The following ULK4 variants were observed in gnomAD, a reference collection of about 807,000 sequenced individuals.
ULK4 encodes the protein unc-51 like kinase 4.
ULK4 carries 133 observed loss-of-function variants against 160.6 expected under a neutral mutation model. The ratio of observed to expected loss-of-function variants is 0.83; its 90% CI spans 0.72 to 0.96. The LOEUF (loss-of-function observed/expected upper bound fraction) is 0.96, where lower values mean the gene tolerates loss of function less well. Among genes scored for constraint, ULK4 ranks in the 40% least tolerant of loss-of-function variants. ULK4 has a pLI of 0.00. For synonymous variants in ULK4, 534 were observed against 539.8 expected, an observed-to-expected ratio of 0.99 and a Z score of 0.15; for missense variants, 1,580 against 1,499.5, an observed-to-expected ratio of 1.05 and a Z score of -0.89.
chr3:41,829,372 G>A (rs2041488658), intron 18 of ULK4, among the ~76,000 whole-genome samples: 1 of 145,962 alleles, frequency 6.9e-6, no homozygotes, highest in Non-Finnish European at 1.5e-5. Context: ...CTACAGAATG[G>A]GAGAAAATTT....
intron 31 of ULK4, among the ~76,000 whole-genome samples, chr3:41,584,991 AAAATCAAAGATACAAG>A (rs1252959295): frequency 2.6e-5 from 4 of 152,216 alleles, no homozygotes; most frequent in Admixed American, 2.0e-4. Flanking sequence ...AAACACTGCC[AAAATCAAAGATACAAG>A]AAATCAAAGA....
intron 34 of ULK4, among the ~76,000 whole-genome samples, chr3:41,408,109 A>G (rs977968968): frequency 6.6e-6 from 1 of 150,908 alleles, no homozygotes; most frequent in Admixed American, 6.7e-5. Context: ...CAAATGGCAT[A>G]TTTAGGAATA....
chr3:41,960,689 T>G lies in ULK4; in HGVS notation c.-49+1327A>C, dbSNP rs533605889. 3.6e-4 allele frequency among the ~76,000 whole-genome samples: 55 copies of G among 152,294 alleles called. No homozygotes were observed. The South Asian group carries it at 4.3e-3, about 12-fold the overall frequency. ...ACTAAGTTATCTTTCAATAACTTAT[T>G]AATAGTTGAAATTCCATGACTTTAA... On this transcript the variant is annotated intron_variant, in intron 1 of 36. Coordinates refer to ENST00000301831, the MANE Select transcript of ULK4 (RefSeq NM_017886.4).
At chr3:41,347,260 G>A (rs2080819171) in intron 35 of ULK4, among the ~76,000 whole-genome samples, 1 of 152,184 alleles carries the variant, frequency 6.6e-6, no homozygotes, top group Non-Finnish European at 1.5e-5. Context: ...CTTGTCATGT[G>A]TATATTGCTT....
At chr3:41,770,240 A>G (rs1376434518) in intron 21 of ULK4, among the ~76,000 whole-genome samples, 1 of 152,188 alleles carries the variant, frequency 6.6e-6, no homozygotes, top group Non-Finnish European at 1.5e-5. Flanking sequence ...TTTCATAGTG[A>G]TCTTCCACGG....
chr3:41,724,937 T>G (rs181694945), intron 22 of ULK4, among the ~76,000 whole-genome samples: 1 of 152,296 alleles, frequency 6.6e-6, no homozygotes, highest in African/African-American at 2.4e-5. Context: ...GTCCAAGTCT[T>G]GTGCTCATTT....
chr3:41,381,837 G>A (rs2081660187), intron 35 of ULK4, among the ~76,000 whole-genome samples: 1 of 151,602 alleles, frequency 6.6e-6, no homozygotes, highest in South Asian at 2.1e-4. Flanking sequence ...GGGTTTACAG[G>A]GCCTTTGTAA....
intron 30 of ULK4, among the ~76,000 whole-genome samples, chr3:41,641,503 T>G (rs1218268870): frequency 6.6e-6 from 1 of 152,028 alleles, no homozygotes; most frequent in Non-Finnish European, 1.5e-5. Flanking sequence ...TCAAGACCAC[T>G]CTGGGCAACA....
chr3:41,642,281 T>C (rs749616741), intron 30 of ULK4, among the ~76,000 whole-genome samples: 1 of 152,114 alleles, frequency 6.6e-6, no homozygotes, highest in African/African-American at 2.4e-5. Context: ...GCTGGTGTAC[T>C]CCACCTATTA....
At chr3:41,535,597 T>C (rs2086470618) in intron 32 of ULK4, among the ~76,000 whole-genome samples, 1 of 152,262 alleles carries the variant, frequency 6.6e-6, no homozygotes, top group South Asian at 2.1e-4. Context: ...TACAGTAGAC[T>C]TCATTCAGAC....
chr3:41,291,265 AGAGT>A (rs1428578082), intron 35 of ULK4, among the ~76,000 whole-genome samples: 3 of 151,330 alleles, frequency 2.0e-5, no homozygotes, highest in African/African-American at 7.3e-5. Context: ...TAGTAATAGG[AGAGT>A]GAGAGAGGGA....
chr3:41,716,216 A>AAAC (rs113108179), intron 23 of ULK4, among the ~76,000 whole-genome samples: 1 of 139,258 alleles, frequency 7.2e-6, no homozygotes, highest in Non-Finnish European at 1.5e-5. Context: ...CTGTCTCACA[A>AAAC]AATAATAATA....
rs750472249 is a variant in ULK4 at position 41,566,137 on chromosome 3, T to C, written c.3121-7A>G. On this transcript the variant is annotated splice_region_variant and splice_polypyrimidine_tract_variant and intron_variant, in intron 31 of 36. Coordinates refer to ENST00000301831, the MANE Select transcript of ULK4 (RefSeq NM_017886.4). ...GAATGCTCTCCTGATGTTCCTGCAA[T>C]AGATCATAATTTCCATCATAACCAT... 7 of 1,604,112 alleles carry C rather than the reference T, an allele frequency of 4.4e-6. No homozygotes were observed. In the Admixed American group the frequency reaches 6.8e-5, roughly 16 times the overall value.
rs2079930014 is a variant in ULK4, at chr3:41,306,254, GT to G, written c.3679-56681del. Reference sequence around the variant, plus strand: ...AGCCCCCCGCCCGGCCAGCCGCCCCGTCCGGGAGGTGAGGGGCGCCTCTGCC... The same window carrying G: ...AGCCCCCCGCCCGGCCAGCCGCCCCGCCGGGAGGTGAGGGGCGCCTCTGCC... On this transcript the variant is annotated intron_variant, in intron 35 of 36. Transcript: ENST00000301831. Among the ~76,000 whole-genome samples, 2 of 111,876 alleles carry G rather than the reference GT, an allele frequency of 1.8e-5. 1 individual carries two copies. Among genetic ancestry groups the G allele is most frequent in the South Asian group, 5.9e-4 (2 of 3,380 alleles). 73.4% of individuals were successfully genotyped at this position (111,876 alleles called of 152,430 possible). A position where few individuals can be genotyped will look rare whatever the true frequency, so the allele number is the denominator to read the frequency against.
At chr3:41,847,923 G>A (rs2042111968) in intron 17 of ULK4, among the ~76,000 whole-genome samples, 2 of 152,188 alleles carry the variant, frequency 1.3e-5, no homozygotes, top group African/African-American at 4.8e-5. Context: ...TGCCAGGGGA[G>A]ACAGATAATG....
At chr3:41,927,789 G>A (rs571173964) in intron 5 of ULK4, among the ~76,000 whole-genome samples, 26 of 151,860 alleles carry the variant, frequency 1.7e-4, no homozygotes, top group Admixed American at 5.3e-4. Flanking sequence ...AGGGATCAAT[G>A]CAACAAGTAG....
At chr3:41,590,285 AGCCACCGC>A (rs1187486283) in intron 31 of ULK4, among the ~76,000 whole-genome samples, 1 of 150,740 alleles carries the variant, frequency 6.6e-6, no homozygotes, top group Non-Finnish European at 1.5e-5. Context: ...TACAGGCATG[AGCCACCGC>A]GCCCGGCCCC....
intron 18 of ULK4, among the ~76,000 whole-genome samples, chr3:41,831,528 T>TAGAGAGAGAGAGAG (rs1559590619): frequency 2.0e-4 from 26 of 131,938 alleles, no homozygotes; most frequent in African/African-American, 9.4e-4. Flanking sequence ...TATATATATA[T>TAGAGAGAGAGAGAG]ATATTTTTTT....
chr3:41,718,478 A>G (rs1187174301), intron 22 of ULK4, among the ~76,000 whole-genome samples: 1 of 152,184 alleles, frequency 6.6e-6, no homozygotes, highest in Non-Finnish European at 1.5e-5. Context: ...GGAACTAGGG[A>G]GTCTACTGGA....
Sources: gnomAD v4.1 joint callset for allele counts (sites outside exome capture counted in the v4.1 genomes callset) on GRCh38, gnomAD v4.1.1 for gene constraint, MANE v1.5 for transcripts, NCBI Gene and HGNC (gene_info 2026-07-23, HGNC 2026-07-21) for gene names.